CCDC6: variants seen among roughly 807,000 people sequenced by gnomAD.
CCDC6 encodes coiled-coil domain-containing protein 6.
A neutral mutation model predicts 56.6 loss-of-function variants in CCDC6; 20 were observed. That is an observed-to-expected ratio of 0.35 (90% CI 0.25 to 0.51). The LOEUF is 0.51. Ranked by LOEUF, CCDC6 falls within the 20% of genes least tolerant of loss-of-function variation. The probability of loss-of-function intolerance (pLI) is 0.95; values close to 1 mark genes in which losing one functional copy is unlikely to be tolerated. For missense variants in CCDC6, 367 were observed against 601.1 expected, an observed-to-expected ratio of 0.61 and a Z score of 4.07; for synonymous variants, 241 against 234.4, an observed-to-expected ratio of 1.03 and a Z score of -0.26.
intron 3 of CCDC6, among the ~76,000 whole-genome samples, chr10:59,823,146 T>C (rs1019462081): frequency 3.3e-5 from 5 of 152,220 alleles, no homozygotes; most frequent in Admixed American, 2.6e-4. Flanking sequence ...AACCTCATTT[T>C]TCCTGGATGC....
intron 2 of CCDC6, among the ~76,000 whole-genome samples, chr10:59,842,041 TAA>T (rs2070944304): frequency 6.6e-6 from 1 of 151,952 alleles, no homozygotes; most frequent in Non-Finnish European, 1.5e-5. Context: ...AGCCTTTTTG[TAA>T]ACACTTTATT....
chr10:59,832,501 A>G, intron 3 of CCDC6, 24 bp downstream of exon 3: 1 of 1,598,074 alleles, frequency 6.3e-7, no homozygotes, highest in Non-Finnish European at 8.5e-7. Flanking sequence ...AATACAATGT[A>G]AAGGAAGAGC....
intron 1 of CCDC6, among the ~76,000 whole-genome samples, chr10:59,864,445 C>A (rs886612786): frequency 6.6e-6 from 1 of 152,156 alleles, no homozygotes; most frequent in Non-Finnish European, 1.5e-5. Flanking sequence ...CAGTGGGCAA[C>A]TGAGAAGAAA....
intron 1 of CCDC6, among the ~76,000 whole-genome samples, chr10:59,886,305 T>TA (rs2071383194): frequency 6.6e-6 from 1 of 152,130 alleles, no homozygotes; most frequent in Non-Finnish European, 1.5e-5. Flanking sequence ...GTATCCAAAA[T>TA]AAACAATTCA....
At chr10:59,840,187 G>T (rs911442865) in intron 2 of CCDC6, among the ~76,000 whole-genome samples, 5 of 152,126 alleles carry the variant, frequency 3.3e-5, no homozygotes, top group African/African-American at 1.2e-4. Context: ...TGGTACACAG[G>T]TACATGTAAT....
At chr10:59,829,725 T>C (rs2070819328) in intron 3 of CCDC6, among the ~76,000 whole-genome samples, 1 of 152,140 alleles carries the variant, frequency 6.6e-6, no homozygotes, top group African/African-American at 2.4e-5. Flanking sequence ...AGACAGAAAG[T>C]AGAACAGCAG....
intron 1 of CCDC6, among the ~76,000 whole-genome samples, chr10:59,878,098 C>T (rs1178429478): frequency 6.6e-6 from 1 of 152,082 alleles, no homozygotes; most frequent in Non-Finnish European, 1.5e-5. Context: ...TAGACAGTAC[C>T]TCAGTTCCTT....
chr10:59,903,690 A>C (rs1003571186), intron 1 of CCDC6, among the ~76,000 whole-genome samples: 1 of 152,246 alleles, frequency 6.6e-6, no homozygotes, highest in Non-Finnish European at 1.5e-5. Context: ...TAACTAAAAT[A>C]GTGAAAAATC....
intron 1 of CCDC6, among the ~76,000 whole-genome samples, chr10:59,876,781 A>G (rs985470335): frequency 2.0e-5 from 3 of 152,238 alleles, no homozygotes; most frequent in Non-Finnish European, 2.9e-5. Context: ...CAGTAAGTGG[A>G]TAATTCAACA....
intron 3 of CCDC6, among the ~76,000 whole-genome samples, chr10:59,830,641 A>C (rs1049025568): frequency 3.9e-5 from 6 of 152,246 alleles, no homozygotes; most frequent in African/African-American, 1.4e-4. Flanking sequence ...AAATAAGCCT[A>C]AAAGGTCACT....
At chr10:59,862,102 T>C (rs764627398) in intron 1 of CCDC6, among the ~76,000 whole-genome samples, 47 of 152,126 alleles carry the variant, frequency 3.1e-4, no homozygotes, top group South Asian at 4.2e-4. Flanking sequence ...ATAAAAATAG[T>C]GAAAAGGCAG....
intron 3 of CCDC6, among the ~76,000 whole-genome samples, chr10:59,830,483 G>A (rs1459956714): frequency 6.6e-6 from 1 of 152,104 alleles, no homozygotes; most frequent in Non-Finnish European, 1.5e-5. Context: ...CCAAAGCAAA[G>A]TGGGGGAAAT....
intron 1 of CCDC6, among the ~76,000 whole-genome samples, chr10:59,903,305 T>C (rs945454866): frequency 2.6e-5 from 4 of 152,224 alleles, no homozygotes; most frequent in African/African-American, 9.7e-5. Flanking sequence ...GATAATGATG[T>C]ATCAACGTAG....
At chr10:59,874,146 C>T (rs1034735156) in intron 1 of CCDC6, among the ~76,000 whole-genome samples, 1 of 151,984 alleles carries the variant, frequency 6.6e-6, no homozygotes, top group Non-Finnish European at 1.5e-5. Context: ...CACACACACG[C>T]ACACACCCCT....
Position 59,865,852 on chromosome 10 carries a change from C to CAAAAAAAAAAAAAAAA in CCDC6, c.304-13166_304-13151dup, listed in dbSNP as rs777021321. Among the ~76,000 whole-genome samples the CAAAAAAAAAAAAAAAA allele has an allele frequency of 9.6e-4, 55 of 57,026 alleles. 3 individuals carry two copies. The highest frequency in any genetic ancestry group is 3.6e-3 in the African/African-American group (49 of 13,638). The allele number at this position is 57,026 out of a possible 152,430, so 37.4% of individuals were successfully genotyped here. A position where few individuals can be genotyped will look rare whatever the true frequency, so the allele number is the denominator to read the frequency against. Reference sequence around the variant, plus strand: ...GTGACAGAGAGAGACTCCATCTCCACAAAAAAAAAAAAAAAAAAAAAAGAA... The same window carrying CAAAAAAAAAAAAAAAA: ...GTGACAGAGAGAGACTCCATCTCCACAAAAAAAAAAAAAAAAAAAAAAAAAAAAAAAAAAAAAAGAA... On this transcript the variant is annotated intron_variant, in intron 1 of 8. Transcript: ENST00000263102.
chr10:59,882,544 C>G (rs111539604), intron 1 of CCDC6, among the ~76,000 whole-genome samples: 569 of 3,554 alleles, frequency 0.16, 14 homozygotes, highest in Middle Eastern at 0.5. Flanking sequence ...AGGAAAGCCG[C>G]GGGGAGAAGG....
At position 59,892,312 on chromosome 10, in the gene CCDC6, C is replaced by A. The variant is rs113469301; in HGVS notation, c.303+13810G>T. Reference sequence around the variant, plus strand: ...TGTAACTGACCTATAGGGAAAAAAACCAGATCTTTTAGGAAGTGTGTTTAC... The same window carrying A: ...TGTAACTGACCTATAGGGAAAAAAAACAGATCTTTTAGGAAGTGTGTTTAC... On this transcript the variant is annotated intron_variant, in intron 1 of 8. Transcript: ENST00000263102. 3.7e-4 allele frequency among the ~76,000 whole-genome samples: 56 copies of A among 152,244 alleles called. 1 individual carries two copies. The highest frequency in any genetic ancestry group is 1.9e-3 in the South Asian group (9 of 4,824).
chr10:59,846,342 G>T (rs1456653495), intron 2 of CCDC6, among the ~76,000 whole-genome samples: 1 of 152,166 alleles, frequency 6.6e-6, no homozygotes, highest in Non-Finnish European at 1.5e-5. Context: ...TGAGATAGAA[G>T]AATAATTCTG....
intron 1 of CCDC6, among the ~76,000 whole-genome samples, chr10:59,890,880 CCT>C (rs2071417289): frequency 6.6e-6 from 1 of 152,106 alleles, no homozygotes; most frequent in East Asian, 1.9e-4. Flanking sequence ...ATCCCTCCCT[CCT>C]CCCCCAACCC....
Sources: gnomAD v4.1 joint callset for allele counts (sites outside exome capture counted in the v4.1 genomes callset) on GRCh38, gnomAD v4.1.1 for gene constraint, MANE v1.5 for transcripts, NCBI Gene and HGNC (gene_info 2026-07-23, HGNC 2026-07-21) for gene names.